Variants in CDH18 observed in about 807,000 individuals in gnomAD.
CDH18 encodes cadherin-18.
A neutral mutation model predicts 67.9 loss-of-function variants in CDH18; 31 were observed. The observed-to-expected ratio is 0.46, with a 90% CI of 0.34 to 0.62. CDH18 has a LOEUF of 0.62. CDH18 is among the 20% of genes least tolerant of loss of function. The pLI is 0.01. For synonymous variants in CDH18, 362 were observed against 347.2 expected (o/e 1.04, Z -0.48); for missense variants, 890 against 975.5 (o/e 0.91, Z 1.17).
At chr5:20,027,264 T>C (rs192785431) in intron 2 of CDH18, among the ~76,000 whole-genome samples, 1 of 152,312 alleles carries the variant, frequency 6.6e-6, no homozygotes, top group East Asian at 1.9e-4. Context: ...TTAACATCCA[T>C]ATAATATGCG....
chr5:20,353,314 C>A (rs1408072861), intron 1 of CDH18, among the ~76,000 whole-genome samples: 2 of 152,200 alleles, frequency 1.3e-5, no homozygotes, highest in Non-Finnish European at 2.9e-5. Flanking sequence ...TAATATGAGG[C>A]TTTTCAGAGA....
intron 2 of CDH18, among the ~76,000 whole-genome samples, chr5:19,849,127 G>A (rs1287938252): frequency 2.6e-5 from 4 of 151,968 alleles, no homozygotes; most frequent in African/African-American, 9.7e-5. Flanking sequence ...TTTAGTAAAT[G>A]TTTGCTATTC....
chr5:20,017,725 A>G (rs904423465), intron 2 of CDH18, among the ~76,000 whole-genome samples: 5 of 152,210 alleles, frequency 3.3e-5, no homozygotes, highest in African/African-American at 1.2e-4. Flanking sequence ...GAAGCCAGAA[A>G]GGGAATCACT....
intron 1 of CDH18, among the ~76,000 whole-genome samples, chr5:20,319,211 A>G (rs1371851801): frequency 6.6e-6 from 1 of 152,166 alleles, no homozygotes; most frequent in Non-Finnish European, 1.5e-5. Context: ...CTTTGGTCAG[A>G]TGGAGTGCAG....
intron 1 of CDH18, chr5:20,305,625 G>A (rs1018564220): frequency 6.9e-6 from 3 of 432,258 alleles, no homozygotes; most frequent in African/African-American, 2.1e-5. Flanking sequence ...CAAACCCAGA[G>A]ACTCAAACGC....
At chr5:20,253,833 T>C (rs950404117) in intron 2 of CDH18, among the ~76,000 whole-genome samples, 1 of 152,160 alleles carries the variant, frequency 6.6e-6, no homozygotes, top group African/African-American at 2.4e-5. Context: ...TTTGAAGATA[T>C]AGTCCACAAA....
chr5:20,564,229 C>G (rs529321660), intron 1 of CDH18, among the ~76,000 whole-genome samples: 1 of 149,170 alleles, frequency 6.7e-6, no homozygotes, highest in Non-Finnish European at 1.5e-5. Context: ...TCTTAATCTT[C>G]CCACAATTAT....
intron 2 of CDH18, among the ~76,000 whole-genome samples, chr5:19,871,927 C>T (rs1229839134): frequency 1.3e-5 from 2 of 152,138 alleles, no homozygotes; most frequent in Non-Finnish European, 2.9e-5. Flanking sequence ...TAACACTATA[C>T]TTTATGCCTA....
intron 5 of CDH18, among the ~76,000 whole-genome samples, chr5:19,708,024 C>T (rs189625538): frequency 7.4e-4 from 113 of 152,206 alleles, no homozygotes; most frequent in African/African-American, 2.7e-3. Flanking sequence ...GGAAACATGG[C>T]GGTATAGTGG....
At chr5:19,875,326 C>T (rs1246831982) in intron 2 of CDH18, among the ~76,000 whole-genome samples, 2 of 151,998 alleles carry the variant, frequency 1.3e-5, no homozygotes, top group Non-Finnish European at 2.9e-5. Flanking sequence ...TTCACTTTTG[C>T]CTTTTACCTA....
intron 2 of CDH18, among the ~76,000 whole-genome samples, chr5:20,233,720 T>C (rs1393693453): frequency 5.3e-5 from 8 of 152,134 alleles, no homozygotes. Context: ...TTCCATAGTA[T>C]TGTTATCATA....
intron 1 of CDH18, among the ~76,000 whole-genome samples, chr5:20,368,810 T>C (rs1001870669): frequency 1.3e-5 from 2 of 152,160 alleles, no homozygotes; most frequent in Non-Finnish European, 2.9e-5. Flanking sequence ...GCACATAATT[T>C]CATAAATTCA....
intron 2 of CDH18, among the ~76,000 whole-genome samples, chr5:20,236,922 T>C (rs1303157181): frequency 6.6e-6 from 1 of 151,900 alleles, no homozygotes; most frequent in Non-Finnish European, 1.5e-5. Flanking sequence ...TCAAATAACA[T>C]GCTAGCAAAT....
chr5:20,270,669 A>T (rs937269183), intron 1 of CDH18, among the ~76,000 whole-genome samples: 3 of 152,180 alleles, frequency 2.0e-5, no homozygotes, highest in African/African-American at 7.2e-5. Context: ...TGCTATTATA[A>T]AGACACATAC....
chr5:20,048,654 C>T (rs180843246), intron 2 of CDH18, among the ~76,000 whole-genome samples: 1 of 151,602 alleles, frequency 6.6e-6, no homozygotes, highest in East Asian at 1.9e-4. Flanking sequence ...CTACAGAATC[C>T]CCCCTGGATA....
intron 1 of CDH18, among the ~76,000 whole-genome samples, chr5:20,533,301 G>A (rs1430300797): frequency 6.6e-6 from 1 of 151,986 alleles, no homozygotes; most frequent in Non-Finnish European, 1.5e-5. Context: ...TTAAAAGACA[G>A]TACATTTCTA....
intron 5 of CDH18, among the ~76,000 whole-genome samples, chr5:19,662,092 A>G (rs1220398099): frequency 6.6e-6 from 1 of 151,744 alleles, no homozygotes; most frequent in African/African-American, 2.4e-5. Flanking sequence ...CACAGCCACC[A>G]TGTGGCTTAC....
In CDH18 at chr5:20,512,956, C is replaced by A. The variant is rs191801713; in HGVS notation, c.-580+62506G>T. On this transcript the variant is annotated intron_variant, in intron 1 of 14. Coordinates refer to the CDH18 transcript ENST00000507958. ...GGAGACTTGGCCTAGATGGTTTCTA[C>A]ATGCACTCGTCAGTCACAAGTGGTT... Among the ~76,000 whole-genome samples, 325 of 151,754 alleles carry A rather than the reference C, an allele frequency of 2.1e-3. 4 individuals are homozygous for A. The highest frequency in any genetic ancestry group is 7.3e-3 in the African/African-American group (304 of 41,380).
rs771062780 is a variant in CDH18, at chr5:19,483,510, C to T, written c.1673G>A (p.Arg558Gln). The T allele has an allele frequency of 5.0e-6, 8 of 1,613,548 alleles. No individual in the cohort carries two copies. The Admixed American group carries it at 6.7e-5, about 13-fold the overall frequency. The change falls in exon 12 of 13, where the codon CGA becomes CAA. Residue 558 changes from arginine to glutamine, a missense_variant. Physicochemically the swap from Arg to Gln is conservative, Grantham distance 43. Coordinates refer to ENST00000382275, the MANE Select transcript of CDH18 (RefSeq NM_004934.5). ...SILTRRRRFS[R>Q]TVQDVYYLPI... is the part of the protein sequence containing the mutation. ...CAGATAATACACATCCTGAACAGTT[C>T]GACTAAATCTCCTCCGCCTTGTCAG...
Sources: gnomAD v4.1 joint callset for allele counts (sites outside exome capture counted in the v4.1 genomes callset) on GRCh38, gnomAD v4.1.1 for gene constraint, MANE v1.5 for transcripts, NCBI Gene and HGNC (gene_info 2026-07-23, HGNC 2026-07-21) for gene names.